TRRAP: variants seen among roughly 807,000 people sequenced by gnomAD.
The protein encoded by TRRAP is transformation/transcription domain-associated protein.
In TRRAP, 41 loss-of-function variants were observed where a neutral mutation model predicts 438.8. That is an observed-to-expected ratio of 0.09 (90% CI 0.07 to 0.12). The LOEUF is 0.12. Among genes scored for constraint, TRRAP ranks in the 10% least tolerant of loss-of-function variants. The pLI is 1.00. For synonymous variants in TRRAP, 1,994 were observed against 1,962.9 expected, an observed-to-expected ratio of 1.02 and a Z score of -0.42; for missense variants, 3,122 against 5,055.1, an observed-to-expected ratio of 0.62 and a Z score of 11.60.
chr7:98,950,295 G>A, intron 38 of TRRAP, 33 bp downstream of exon 38: 2 of 1,609,380 alleles, frequency 1.2e-6, no homozygotes, highest in Non-Finnish European at 1.7e-6. Flanking sequence ...AGAAGGGTAT[G>A]GGTATTTGGT....
chr7:98,962,493 G>A (rs942972039), intron 47 of TRRAP, 66 bp downstream of exon 47: 10 of 1,607,376 alleles, frequency 6.2e-6, no homozygotes, highest in Admixed American at 5.0e-5. Context: ...CTCACTGGAC[G>A]TGCTTCCCTT....
At chr7:98,959,956 A>G (rs1021660720) in intron 45 of TRRAP, among the ~76,000 whole-genome samples, 12 of 120,458 alleles carry the variant, frequency 1.0e-4, no homozygotes, top group African/African-American at 2.3e-4. Flanking sequence ...AAAAAAAAAG[A>G]AAAAGAAAAG....
intron 30 of TRRAP, among the ~76,000 whole-genome samples, chr7:98,941,870 G>T (rs1452236818): frequency 3.3e-5 from 5 of 152,176 alleles, no homozygotes; most frequent in Non-Finnish European, 7.3e-5. Flanking sequence ...GGACTGTAAG[G>T]ACATTAAAGG....
At chr7:98,899,827 C>G (rs1397146753) in intron 10 of TRRAP, 60 bp downstream of exon 10, 6 of 1,559,772 alleles carry the variant, frequency 3.8e-6, no homozygotes, top group South Asian at 2.2e-5. Flanking sequence ...AATACACTTG[C>G]TGTTGTCATT....
chr7:98,981,833 T>G lies in TRRAP; in HGVS notation c.8699T>G (p.Ile2900Ser). 1 of 1,605,718 alleles carries G rather than the reference T, an allele frequency of 6.2e-7. No individual in the cohort carries two copies. Among genetic ancestry groups the G allele is most frequent in the Non-Finnish European group, 8.5e-7 (1 of 1,176,786 alleles). Residue 2900 changes from isoleucine (I) to serine (S), a missense_variant, in exon 59 of 73, where the codon ATC (isoleucine) becomes AGC (serine). Physicochemically the swap from Ile to Ser is moderately radical, Grantham distance 142. Around this residue, in one of 24 missense-constraint regions of TRRAP, gnomAD observed 992 missense variants for 1,281.2 expected, o/e 0.77. Coordinates refer to ENST00000456197, the MANE Select transcript of TRRAP (RefSeq NM_001375524.1). ...KVNMYRGYLA[I>S]CHPEEQQLSF... The stretch of plus-strand genomic sequence containing the variant: ...AACATGTACCGCGGATACCTGGCCA[T>G]CTGCCACCCCGAGGAGCAGCAGCTC...
intron 58 of TRRAP, among the ~76,000 whole-genome samples, 192 bp from the exon 59 acceptor site, chr7:98,981,577 G>C (rs1792919380): frequency 6.6e-6 from 1 of 152,194 alleles, no homozygotes; most frequent in African/African-American, 2.4e-5. Context: ...CTGGAATTTA[G>C]AAAAGGAGAG....
chr7:98,973,975 TAC>T (rs2116719968), intron 53 of TRRAP, among the ~76,000 whole-genome samples: 1 of 152,346 alleles, frequency 6.6e-6, no homozygotes, highest in South Asian at 2.1e-4. Context: ...GTTCACCTTT[TAC>T]ATTTGATCTC....
chr7:98,946,415 C>T (rs1375108179), intron 33 of TRRAP, among the ~76,000 whole-genome samples: 1 of 152,046 alleles, frequency 6.6e-6, no homozygotes, highest in Non-Finnish European at 1.5e-5. Flanking sequence ...CTTGCGTGCA[C>T]ACACACCACA....
In TRRAP at chr7:99,012,068, C is replaced by T; in HGVS notation, c.11338-3C>T. The T allele has an allele frequency of 6.2e-7, 1 of 1,612,580 alleles. No individual in the cohort carries two copies. On this transcript the variant is annotated splice_polypyrimidine_tract_variant and splice_region_variant and intron_variant, in intron 72 of 72. Transcript: ENST00000456197. This position sits in a 1 kb window ranked among gnomAD's most constrained non-coding sequence, Gnocchi z 5.9. ...AAGTCGTCTCGTTCTCTCCCTCACG[C>T]AGGTGGATGGCATTCTGAAAACGGT...
Position 98,930,510 on chromosome 7 carries a change from G to A in TRRAP, c.3394-123G>A. 3 of 1,267,914 alleles carry A rather than the reference G, an allele frequency of 2.4e-6. No individual in the cohort carries two copies. The South Asian group carries it at 4.2e-5, about 18-fold the overall frequency. 78.5% of individuals were successfully genotyped at this position (1,267,914 alleles called of 1,614,324 possible). On this transcript the variant is annotated intron_variant, in intron 24 of 72. Coordinates refer to ENST00000456197, the MANE Select transcript of TRRAP (RefSeq NM_001375524.1). ...GGAGAATCACTTGAACCTGGGAGAT[G>A]GAGGTTGCGGTGAGCCGAGATCACA...
chr7:98,880,806 T>A (rs553881515), intron 1 of TRRAP, among the ~76,000 whole-genome samples: 1 of 152,194 alleles, frequency 6.6e-6, no homozygotes, highest in Admixed American at 6.5e-5. Context: ...GATTAAAATA[T>A]CTACTATGTG....
chr7:98,934,052 C>A (rs891255867), intron 27 of TRRAP, among the ~76,000 whole-genome samples: 1 of 152,166 alleles, frequency 6.6e-6, no homozygotes, highest in African/African-American at 2.4e-5. Context: ...CAAACACGGA[C>A]CCTGGCAGAT....
chr7:98,996,478 C>T (rs1045694229), intron 67 of TRRAP, among the ~76,000 whole-genome samples: 8 of 152,196 alleles, frequency 5.3e-5, no homozygotes, highest in Non-Finnish European at 1.2e-4. Flanking sequence ...TGAGTGATTG[C>T]AGCACATGAG....
chr7:99,003,435 A>G (rs1281402585), intron 67 of TRRAP, among the ~76,000 whole-genome samples: 1 of 152,130 alleles, frequency 6.6e-6, no homozygotes, highest in East Asian at 1.9e-4. Flanking sequence ...CACGAGACCT[A>G]GGGCTCCGTG....
At chr7:98,906,344 C>T in intron 13 of TRRAP, 89 bp downstream of exon 13, 2 of 1,043,628 alleles carry the variant, frequency 1.9e-6, no homozygotes, top group East Asian at 2.7e-5. Flanking sequence ...TCAATGAACA[C>T]CGGCTGTTGA....
intron 69 of TRRAP, among the ~76,000 whole-genome samples, chr7:99,007,813 T>C (rs993804200): frequency 6.6e-6 from 1 of 151,540 alleles, no homozygotes; most frequent in Non-Finnish European, 1.5e-5. Flanking sequence ...TTTTTTGTTT[T>C]TTTAAGATGT....
At chr7:98,983,916 T>A (rs763697296) in intron 60 of TRRAP, among the ~76,000 whole-genome samples, 177 bp from the exon 61 acceptor site, 6 of 152,226 alleles carry the variant, frequency 3.9e-5, no homozygotes, top group Non-Finnish European at 7.3e-5. Flanking sequence ...CACTCAAGAA[T>A]TAGCACCTTT....
At chr7:98,933,099 G>A (rs943109554) in intron 26 of TRRAP, 142 bp from the exon 27 acceptor site, 4 of 1,154,518 alleles carry the variant, frequency 3.5e-6, no homozygotes, top group Admixed American at 3.1e-5. Flanking sequence ...CCGAGGTTTT[G>A]CACATGAAAT....
At chr7:98,931,255 G>A in intron 25 of TRRAP, 150 bp from the exon 26 acceptor site, 4 of 1,119,240 alleles carry the variant, frequency 3.6e-6, no homozygotes. Flanking sequence ...AAAGCACCAA[G>A]TGGGTGCCGT....
Sources: allele counts gnomAD v4.1 joint callset (sites outside exome capture counted in the v4.1 genomes callset), GRCh38; gene constraint gnomAD v4.1.1; regional missense constraint gnomAD v4.1.1; non-coding constraint Gnocchi (gnomAD v3.1); transcripts MANE v1.5; gene names NCBI Gene and HGNC (gene_info 2026-07-23, HGNC 2026-07-21).